The following DOCK4 variants were observed in gnomAD, a reference collection of about 807,000 sequenced individuals.
DOCK4 encodes dedicator of cytokinesis protein 4.
A neutral mutation model predicts 268.1 loss-of-function variants in DOCK4; 97 were observed. The observed-to-expected ratio is 0.36, with a 90% CI of 0.31 to 0.43. The LOEUF is 0.43. DOCK4 is among the 20% of genes least tolerant of loss of function. DOCK4 has a pLI of 1.00. For missense variants in DOCK4, 2,145 were observed against 2,455.7 expected, an observed-to-expected ratio of 0.87 and a Z score of 2.67; for synonymous variants, 954 against 887.2, an observed-to-expected ratio of 1.08 and a Z score of -1.34.
intron 1 of DOCK4, among the ~76,000 whole-genome samples, chr7:112,111,179 C>G (rs943814599): frequency 6.6e-6 from 1 of 152,144 alleles, no homozygotes; most frequent in Admixed American, 6.5e-5. Context: ...TAGTGCCTGA[C>G]AGCATTCAAG....
chr7:112,160,194 C>T (rs1009031885), intron 1 of DOCK4, among the ~76,000 whole-genome samples: 4 of 152,142 alleles, frequency 2.6e-5, no homozygotes, highest in East Asian at 1.9e-4. Context: ...CAAGTATATC[C>T]GACTCTGTGA....
intron 1 of DOCK4, among the ~76,000 whole-genome samples, chr7:112,071,914 GAAACT>G (rs1286155201): frequency 6.6e-6 from 1 of 152,122 alleles, no homozygotes; most frequent in African/African-American, 2.4e-5. Flanking sequence ...TCAAACCAAT[GAAACT>G]CCAGATTCCT....
intron 13 of DOCK4, among the ~76,000 whole-genome samples, chr7:111,903,883 G>A (rs1195146255): frequency 6.6e-6 from 1 of 152,156 alleles, no homozygotes; most frequent in Admixed American, 6.5e-5. Flanking sequence ...AAGTAGCTCT[G>A]CTACAAATAG....
At chr7:112,055,433 A>ATATCTG in intron 1 of DOCK4, among the ~76,000 whole-genome samples, 1 of 152,234 alleles carries the variant, frequency 6.6e-6, no homozygotes, top group Admixed American at 6.5e-5. Flanking sequence ...AGATATGGAA[A>ATATCTG]GAAAGGGGAA....
intron 32 of DOCK4, among the ~76,000 whole-genome samples, chr7:111,787,778 GA>G (rs1408097100): frequency 1.3e-5 from 2 of 152,064 alleles, no homozygotes; most frequent in East Asian, 3.9e-4. Context: ...TTTTGTCATA[GA>G]AAAAAATGTG....
chr7:112,198,121 T>C (rs1353653665), intron 1 of DOCK4, among the ~76,000 whole-genome samples: 2 of 152,212 alleles, frequency 1.3e-5, no homozygotes, highest in East Asian at 3.9e-4. Context: ...CTCAATGTGA[T>C]GGTATTTGGA....
At chr7:112,074,734 CA>C (rs1807909901) in intron 1 of DOCK4, among the ~76,000 whole-genome samples, 1 of 152,156 alleles carries the variant, frequency 6.6e-6, no homozygotes, top group Non-Finnish European at 1.5e-5. Flanking sequence ...AAACCAGCCT[CA>C]TCCTGACCCC....
chr7:111,951,647 C>CAAAAA (rs35968911), intron 8 of DOCK4, among the ~76,000 whole-genome samples: 1 of 85,852 alleles, frequency 1.2e-5, no homozygotes, highest in African/African-American at 4.1e-5. Context: ...CCATCGCTAC[C>CAAAAA]AAAAAAAAAA....
intron 1 of DOCK4, among the ~76,000 whole-genome samples, chr7:112,167,579 G>A (rs1817713305): frequency 6.6e-6 from 1 of 152,142 alleles, no homozygotes; most frequent in African/African-American, 2.4e-5. Flanking sequence ...ATTTGGTGAG[G>A]ATATTGTCAT....
chr7:112,037,273 G>A (rs1265910403), intron 1 of DOCK4, among the ~76,000 whole-genome samples: 1 of 152,186 alleles, frequency 6.6e-6, no homozygotes, highest in Non-Finnish European at 1.5e-5. Context: ...CAGTAAGTTA[G>A]GTGTATTAAA....
chr7:111,994,242 A>T lies in DOCK4; in HGVS notation c.219-11T>A. 6.5e-7 allele frequency: 1 copy of T among 1,534,854 alleles called. No homozygotes were observed. The highest frequency in any genetic ancestry group is 8.9e-7 in the Non-Finnish European group (1 of 1,124,546). ...ACCATTTCAAATTGTCTGTGAAATT[A>T]AAAAAGAAAAAGTATATATGTAAAT... is the stretch of plus-strand genomic sequence containing the variant. On this transcript the variant is annotated splice_polypyrimidine_tract_variant and intron_variant, in intron 4 of 52. Transcript: ENST00000428084.
chr7:111,988,884 C>T (rs1379147108), intron 6 of DOCK4, 131 bp downstream of exon 6: 3 of 1,315,394 alleles, frequency 2.3e-6, no homozygotes, highest in Non-Finnish European at 3.1e-6. Context: ...TCGCACTAAG[C>T]CTCCAAAAAC....
chr7:111,846,972 TA>T (rs1804157562), intron 24 of DOCK4, 26 bp downstream of exon 24: 1 of 1,611,338 alleles, frequency 6.2e-7, no homozygotes, highest in Non-Finnish European at 8.5e-7. Context: ...TGAAGGGAGC[TA>T]TATACTATGA....
chr7:111,977,141 C>T lies in DOCK4; in HGVS notation c.692G>A (p.Arg231Gln), dbSNP rs766219228. 5.1e-5 allele frequency: 83 copies of T among 1,612,976 alleles called. No individual in the cohort carries two copies. The highest frequency in any genetic ancestry group is 4.0e-4 in the Admixed American group (24 of 59,890). ...CTCCACGTGCAGGTACCTGATTGGC[C>T]GGTTCTCTTTACTGTCAAAGAGTGA... ...IFSLFDSKEN[R>Q]PISERFFLRL... The change falls in exon 8 of 53, where the codon CGG becomes CAG. Residue 231 changes from arginine to glutamine, a missense_variant. By Grantham distance (43) the Arg-to-Gln change is conservative. Around this residue, in one of 2 missense-constraint regions of DOCK4, gnomAD observed 1,598 missense variants for 1,986.7 expected, o/e 0.80. Transcript: ENST00000428084.
At chr7:111,780,653 T>C (rs971668903) in intron 35 of DOCK4, among the ~76,000 whole-genome samples, 2 of 152,266 alleles carry the variant, frequency 1.3e-5, no homozygotes, top group Admixed American at 1.3e-4. Context: ...ATATTACTTT[T>C]TTAAAACCAA....
At chr7:111,869,106 C>T (rs1806213365) in intron 21 of DOCK4, among the ~76,000 whole-genome samples, 1 of 152,104 alleles carries the variant, frequency 6.6e-6, no homozygotes, top group Non-Finnish European at 1.5e-5. Flanking sequence ...TGGTGCCCAG[C>T]GATGTGGGCA....
chr7:111,797,799 A>G (rs1800005064), intron 30 of DOCK4, among the ~76,000 whole-genome samples: 1 of 152,204 alleles, frequency 6.6e-6, no homozygotes, highest in African/African-American at 2.4e-5. Context: ...GCCTTTATGA[A>G]AAGGCTGAGA....
chr7:112,096,948 C>T (rs181041257), intron 1 of DOCK4, among the ~76,000 whole-genome samples: 48 of 152,288 alleles, frequency 3.2e-4, no homozygotes, highest in African/African-American at 1.1e-3. Flanking sequence ...AGGGGCAGAA[C>T]TTCTGTCTCT....
intron 8 of DOCK4, among the ~76,000 whole-genome samples, chr7:111,974,786 T>C (rs1202773377): frequency 6.6e-6 from 1 of 152,100 alleles, no homozygotes; most frequent in African/African-American, 2.4e-5. Flanking sequence ...ATCTTACTTT[T>C]GCTAAGGATA....
Sources: gnomAD v4.1 joint callset for allele counts (sites outside exome capture counted in the v4.1 genomes callset) on GRCh38, gnomAD v4.1.1 for gene constraint, gnomAD v4.1.1 regional missense constraint, MANE v1.5 for transcripts, NCBI Gene and HGNC (gene_info 2026-07-23, HGNC 2026-07-21) for gene names.